CLSTN2: variants seen among roughly 807,000 people sequenced by gnomAD.
CLSTN2 encodes calsyntenin-2.
CLSTN2 carries 48 observed loss-of-function variants against 101.2 expected under a neutral mutation model. The observed-to-expected ratio is 0.47, with a 90% CI of 0.38 to 0.60. The LOEUF is 0.60. Ranked by LOEUF, CLSTN2 falls within the 20% of genes least tolerant of loss-of-function variation. CLSTN2 has a pLI of 0.00. For synonymous variants in CLSTN2, 481 were observed against 463.6 expected (o/e 1.04, Z -0.48); for missense variants, 1,160 against 1,238.2 (o/e 0.94, Z 0.95).
chr3:140,315,719 G>T (rs1485493605), intron 2 of CLSTN2, among the ~76,000 whole-genome samples: 1 of 152,196 alleles, frequency 6.6e-6, no homozygotes, highest in African/African-American at 2.4e-5. Flanking sequence ...CTAGCAATTT[G>T]TCTTCCAGGA....
chr3:140,289,140 G>A (rs1375604627), intron 2 of CLSTN2, among the ~76,000 whole-genome samples: 1 of 152,176 alleles, frequency 6.6e-6, no homozygotes, highest in African/African-American at 2.4e-5. Context: ...ATGGTTCCAA[G>A]GGCTTTACCT....
chr3:140,293,710 G>A (rs2086975906), intron 2 of CLSTN2, among the ~76,000 whole-genome samples: 1 of 152,136 alleles, frequency 6.6e-6, no homozygotes, highest in South Asian at 2.1e-4. Flanking sequence ...TACGTGAGAG[G>A]AACCTCAGGA....
intron 2 of CLSTN2, among the ~76,000 whole-genome samples, chr3:140,335,519 A>C (rs568620215): frequency 6.6e-6 from 1 of 151,680 alleles, no homozygotes; most frequent in East Asian, 1.9e-4. Flanking sequence ...CAAAAGGCAC[A>C]GTGCAGCCCC....
chr3:140,420,291 C>CA lies in CLSTN2; in HGVS notation c.638-821dup, dbSNP rs777798328. 1.7e-3 allele frequency among the ~76,000 whole-genome samples: 222 copies of CA among 134,318 alleles called. 1 individual carries two copies. Among genetic ancestry groups the CA allele is most frequent in the East Asian group, 0.012 (56 of 4,608 alleles). The allele number at this position is 134,318 out of a possible 152,430, so 88.1% of individuals were successfully genotyped here. On this transcript the variant is annotated intron_variant, in intron 4 of 16. Transcript: ENST00000458420. ...TCTAATTTGCTGTCAACTCTGCCGCCAAAAAAAAAAAAAGTAGTAGGAATG... is the reference window on the plus strand; with the variant it reads ...TCTAATTTGCTGTCAACTCTGCCGCCAAAAAAAAAAAAAAGTAGTAGGAATG...
intron 2 of CLSTN2, among the ~76,000 whole-genome samples, chr3:140,375,766 T>C (rs894083160): frequency 1.3e-5 from 2 of 152,242 alleles, no homozygotes; most frequent in African/African-American, 2.4e-5. Context: ...TTGTTTTAAA[T>C]GATTCTGTCT....
intron 2 of CLSTN2, among the ~76,000 whole-genome samples, chr3:140,389,936 G>T (rs1429488801): frequency 1.3e-5 from 2 of 151,958 alleles, no homozygotes; most frequent in Non-Finnish European, 2.9e-5. Context: ...TGGTATTAGG[G>T]TAATGCTAGC....
At chr3:140,260,131 A>G (rs1379875024) in intron 2 of CLSTN2, among the ~76,000 whole-genome samples, 2 of 128,102 alleles carry the variant, frequency 1.6e-5, no homozygotes, top group Non-Finnish European at 3.4e-5. Flanking sequence ...AAAGGTGAAA[A>G]AGAAATATAT....
At chr3:140,262,738 G>A (rs922889552) in intron 2 of CLSTN2, among the ~76,000 whole-genome samples, 1 of 152,128 alleles carries the variant, frequency 6.6e-6, no homozygotes, top group Non-Finnish European at 1.5e-5. Context: ...GAGTGGCTGG[G>A]AAATGATGAG....
intron 2 of CLSTN2, among the ~76,000 whole-genome samples, chr3:140,383,729 G>C (rs2088018013): frequency 6.6e-6 from 1 of 152,210 alleles, no homozygotes; most frequent in Non-Finnish European, 1.5e-5. Flanking sequence ...AGCTTGAAAA[G>C]TGAAATGCAT....
chr3:140,208,951 T>A (rs960119124), intron 2 of CLSTN2, among the ~76,000 whole-genome samples: 2 of 152,180 alleles, frequency 1.3e-5, no homozygotes, highest in Non-Finnish European at 2.9e-5. Flanking sequence ...ACTGTCTGGC[T>A]ATTTCACAGT....
At chr3:140,043,159 G>T (rs896717006) in intron 1 of CLSTN2, among the ~76,000 whole-genome samples, 1 of 151,954 alleles carries the variant, frequency 6.6e-6, no homozygotes, top group African/African-American at 2.4e-5. Context: ...AAGTGTTCCT[G>T]TTTCTCCACA....
chr3:140,561,707 G>C (rs75546150), intron 12 of CLSTN2, among the ~76,000 whole-genome samples: 4,332 of 152,252 alleles, frequency 0.028, 197 homozygotes, highest in African/African-American at 0.097. Flanking sequence ...AAAGCTATGA[G>C]AGCATGGTGG....
intron 1 of CLSTN2, among the ~76,000 whole-genome samples, chr3:139,961,891 C>T (rs1935516977): frequency 6.6e-6 from 1 of 152,064 alleles, no homozygotes; most frequent in East Asian, 1.9e-4. Context: ...TTAGTTTATA[C>T]CATATTTACA....
chr3:140,478,887 G>A (rs1466646605), intron 8 of CLSTN2, among the ~76,000 whole-genome samples: 2 of 151,080 alleles, frequency 1.3e-5, no homozygotes, highest in South Asian at 4.2e-4. Context: ...AGGAAGGAAG[G>A]AAGGAAGGAA....
At chr3:140,169,837 G>C (rs1180988224) in intron 1 of CLSTN2, among the ~76,000 whole-genome samples, 1 of 152,102 alleles carries the variant, frequency 6.6e-6, no homozygotes, top group East Asian at 1.9e-4. Context: ...TCATGAGATG[G>C]GGTAGGGGGA....
At chr3:140,125,814 G>A (rs751238254) in intron 1 of CLSTN2, among the ~76,000 whole-genome samples, 59 of 152,108 alleles carry the variant, frequency 3.9e-4, no homozygotes, top group Non-Finnish European at 6.8e-4. Context: ...TGGAGAGAAG[G>A]AAGGAGAAAG....
At chr3:140,087,328 G>A (rs756861941) in intron 1 of CLSTN2, among the ~76,000 whole-genome samples, 2 of 152,180 alleles carry the variant, frequency 1.3e-5, no homozygotes, top group Non-Finnish European at 2.9e-5. Context: ...CGAGGATCAG[G>A]CAAATGAGCT....
At chr3:139,938,353 C>T (rs1935066177) in intron 1 of CLSTN2, among the ~76,000 whole-genome samples, 1 of 152,174 alleles carries the variant, frequency 6.6e-6, no homozygotes, top group African/African-American at 2.4e-5. Flanking sequence ...TGGTGCACAG[C>T]TTGTTCTGCC....
At chr3:140,530,856 C>T (rs369352971) in intron 8 of CLSTN2, among the ~76,000 whole-genome samples, 49 of 152,338 alleles carry the variant, frequency 3.2e-4, no homozygotes, top group African/African-American at 1.1e-3. Flanking sequence ...CCAGAGATTT[C>T]CAGATACCTC....
Sources: allele counts gnomAD v4.1 joint callset (sites outside exome capture counted in the v4.1 genomes callset), GRCh38; gene constraint gnomAD v4.1.1; transcripts MANE v1.5; gene names NCBI Gene and HGNC (gene_info 2026-07-23, HGNC 2026-07-21).